PBRM1: variants seen among roughly 807,000 people sequenced by gnomAD.
PBRM1 encodes protein polybromo-1.
PBRM1 carries 27 observed loss-of-function variants against 194.5 expected under a neutral mutation model. That is an observed-to-expected ratio of 0.14 (90% confidence interval 0.10 to 0.19). The LOEUF (loss-of-function observed/expected upper bound fraction) is 0.19, where lower values mean the gene tolerates loss of function less well. Among genes scored for constraint, PBRM1 ranks in the 10% least tolerant of loss-of-function variants. The pLI is 1.00. For missense variants in PBRM1, 1,466 were observed against 2,077.2 expected (o/e 0.71, Z 5.72); for synonymous variants, 655 against 693.2 (o/e 0.94, Z 0.87).
chr3:52,585,132 C>T (rs1199198031), intron 20 of PBRM1, among the ~76,000 whole-genome samples: 5 of 152,172 alleles, frequency 3.3e-5, no homozygotes, highest in Non-Finnish European at 7.4e-5. Flanking sequence ...ATTTCACTTA[C>T]TTTTTCCCCC....
chr3:52,655,900 CAA>C (rs1461721545), intron 5 of PBRM1, among the ~76,000 whole-genome samples: 3 of 152,164 alleles, frequency 2.0e-5, no homozygotes, highest in Admixed American at 6.6e-5. Context: ...CAAAGTAATC[CAA>C]AGTCATCCAA....
Position 52,675,970 on chromosome 3 carries a change from C to A in PBRM1, c.236+2530G>T, listed in dbSNP as rs1381084265. Reference sequence around the variant, plus strand: ...CTCTACTAAAAATACAAAAAATTAGCCGGGCGTAGTGGCGGGCGCCTGTAG... The same window carrying A: ...CTCTACTAAAAATACAAAAAATTAGACGGGCGTAGTGGCGGGCGCCTGTAG... On this transcript the variant is annotated intron_variant, in intron 2 of 29. Coordinates refer to ENST00000296302, the Ensembl canonical transcript of PBRM1. Among the ~76,000 whole-genome samples the A allele has an allele frequency of 2.0e-5, 2 of 99,278 alleles. 1 individual carries two copies. Among genetic ancestry groups the A allele is most frequent in the Non-Finnish European group, 4.0e-5 (2 of 49,404 alleles). The allele number at this position is 99,278 out of a possible 152,430, so 65.1% of individuals were successfully genotyped here.
chr3:52,645,245 G>A (rs1229389168), intron 7 of PBRM1, among the ~76,000 whole-genome samples: 1 of 150,656 alleles, frequency 6.6e-6, no homozygotes, highest in Non-Finnish European at 1.5e-5. Flanking sequence ...GCAGTCTGAG[G>A]TGCAACAATA....
At chr3:52,660,979 C>T (rs935951172) in intron 4 of PBRM1, among the ~76,000 whole-genome samples, 1 of 151,962 alleles carries the variant, frequency 6.6e-6, no homozygotes, top group Non-Finnish European at 1.5e-5. Context: ...AGTTGTGATC[C>T]CCTCTACTAT....
rs1209755070 is a variant in PBRM1 at position 52,553,059 on chromosome 3, A to G, written c.4609+1665T>C. ...GCTCACTCTGCACACTGCTGGGTGC[A>G]CCCTCCAAAGCATCATTTGGTACCC... is the stretch of plus-strand genomic sequence containing the variant. On this transcript the variant is annotated intron_variant, in intron 27 of 29. Coordinates refer to ENST00000296302, the Ensembl canonical transcript of PBRM1. Among the ~76,000 whole-genome samples the G allele has an allele frequency of 5.3e-5, 8 of 152,298 alleles. No homozygotes were observed. The South Asian group carries it at 1.7e-3, about 32-fold the overall frequency.
intron 3 of PBRM1, 147 bp downstream of exon 4, chr3:52,668,351 G>A: frequency 3.5e-6 from 2 of 577,498 alleles, no homozygotes; most frequent in Non-Finnish European, 6.0e-6. Context: ...TCATATGAAT[G>A]TCCAGTCTCT....
At chr3:52,571,017 T>C (rs1030290941) in intron 22 of PBRM1, among the ~76,000 whole-genome samples, 5 of 151,970 alleles carry the variant, frequency 3.3e-5, no homozygotes, top group Admixed American at 2.6e-4. Flanking sequence ...GCTACCACGT[T>C]GGCTATCTTT....
chr3:52,646,965 A>G (rs1043341275), intron 7 of PBRM1, among the ~76,000 whole-genome samples: 1 of 152,186 alleles, frequency 6.6e-6, no homozygotes, highest in Non-Finnish European at 1.5e-5. Flanking sequence ...ACAAAAGTGA[A>G]AAGACAAGAG....
chr3:52,683,450 T>A (rs1232911486), upstream of PBRM1, among the ~76,000 whole-genome samples: 1 of 152,162 alleles, frequency 6.6e-6, no homozygotes, highest in East Asian at 1.9e-4. Flanking sequence ...TTCATTTTTG[T>A]AGACCTGTCT....
chr3:52,641,012 A>G (rs937249217), intron 10 of PBRM1, among the ~76,000 whole-genome samples: 1 of 152,188 alleles, frequency 6.6e-6, no homozygotes, highest in African/African-American at 2.4e-5. Context: ...TGATAAGACC[A>G]GGCCCAATTT....
intron 15 of PBRM1, among the ~76,000 whole-genome samples, chr3:52,614,373 C>CAAAAAAAAAAAAAAAA (rs1165930996): frequency 4.9e-5 from 2 of 40,920 alleles, no homozygotes; most frequent in Non-Finnish European, 8.5e-5. Flanking sequence ...GATGCTTCAT[C>CAAAAAAAAAAAAAAAA]AAAAAAAAAA....
intron 11 of PBRM1, among the ~76,000 whole-genome samples, chr3:52,632,661 A>G (rs2095658843): frequency 6.6e-6 from 1 of 151,804 alleles, no homozygotes; most frequent in African/African-American, 2.4e-5. Flanking sequence ...AAATTTTGGT[A>G]TAACACAAAA....
intron 27 of PBRM1, 83 bp from the exon 30 acceptor site, chr3:52,550,900 A>C: frequency 1.1e-6 from 1 of 883,888 alleles, no homozygotes; most frequent in Admixed American, 2.1e-5. Context: ...AAATGATGCC[A>C]TTCATAATTC....
intron 9 of PBRM1, 54 bp downstream of exon 10, chr3:52,643,194 T>A: frequency 1.6e-6 from 2 of 1,235,802 alleles, no homozygotes; most frequent in Non-Finnish European, 2.4e-6. Flanking sequence ...AATACTAGTA[T>A]GCCTATCTTT....
upstream of PBRM1, among the ~76,000 whole-genome samples, chr3:52,683,551 T>C (rs534981669): frequency 2.0e-5 from 3 of 152,218 alleles, no homozygotes; most frequent in South Asian, 6.2e-4. Context: ...CAGTGGCTCA[T>C]GCCTGTAATC....
intron 24 of PBRM1, among the ~76,000 whole-genome samples, chr3:52,563,054 T>A (rs1192598014): frequency 6.6e-6 from 1 of 152,154 alleles, no homozygotes; most frequent in Non-Finnish European, 1.5e-5. Flanking sequence ...AAGATATTAA[T>A]TTTAAATTAT....
At chr3:52,653,160 A>G (rs752535258) in intron 5 of PBRM1, among the ~76,000 whole-genome samples, 33 of 152,256 alleles carry the variant, frequency 2.2e-4, no homozygotes, top group Non-Finnish European at 4.6e-4. Context: ...TAATATTCAC[A>G]TAAACTTTCA....
intron 25 of PBRM1, 51 bp downstream of exon 27, chr3:52,561,716 C>G (rs1308069497): frequency 7.9e-6 from 12 of 1,515,086 alleles, no homozygotes; most frequent in Non-Finnish European, 1.1e-5. Context: ...CGCGTGCATT[C>G]CTGAAACACC....
intron 2 of PBRM1, among the ~76,000 whole-genome samples, chr3:52,674,709 C>T (rs894809315): frequency 6.8e-5 from 10 of 146,262 alleles, no homozygotes; most frequent in African/African-American, 2.3e-4. Flanking sequence ...ACATTACATA[C>T]GTTATTTTTT....
Sources: allele counts gnomAD v4.1 joint callset (sites outside exome capture counted in the v4.1 genomes callset), GRCh38; gene constraint gnomAD v4.1.1; transcripts MANE v1.5; gene names NCBI Gene and HGNC (gene_info 2026-07-23, HGNC 2026-07-21).